Variants in IPO11 observed in about 807,000 individuals in gnomAD.
IPO11 encodes the protein importin-11.
A neutral mutation model predicts 143.2 loss-of-function variants in IPO11; 66 were observed. That is an observed-to-expected ratio of 0.46 (90% CI 0.38 to 0.57). The LOEUF (loss-of-function observed/expected upper bound fraction) is 0.57. Ranked by LOEUF, IPO11 falls within the 20% of genes least tolerant of loss-of-function variation. The pLI, the probability that IPO11 is intolerant of heterozygous loss-of-function variation, is 0.00. For synonymous variants in IPO11, 385 were observed against 377.8 expected (o/e 1.02, Z -0.22); for missense variants, 1,026 against 1,141.0 (o/e 0.90, Z 1.45).
rs1743307221 is a variant in IPO11, at chr5:62,549,052, T to G, written c.2251-1315T>G. Among the ~76,000 whole-genome samples, 3 of 151,896 alleles carry G rather than the reference T, an allele frequency of 2.0e-5. No homozygotes were observed. The South Asian group carries it at 6.2e-4, about 32-fold the overall frequency. On this transcript the variant is annotated intron_variant, in intron 24 of 29. Coordinates refer to ENST00000325324, the MANE Select transcript of IPO11 (RefSeq NM_016338.5). ...TCGGTCTACTAGCTTATCTGTATAT[T>G]TTCCATGTTTATCTTTTTTCCCAGA...
intron 26 of IPO11, among the ~76,000 whole-genome samples, chr5:62,557,449 C>T (rs1163431611): frequency 2.0e-5 from 3 of 152,198 alleles, no homozygotes; most frequent in Non-Finnish European, 4.4e-5. Context: ...TCCCAAAGTG[C>T]TGGGATTACA....
chr5:62,536,639 T>C (rs1742744026), intron 22 of IPO11, 63 bp from the exon 23 acceptor site: 8 of 1,531,928 alleles, frequency 5.2e-6, no homozygotes, highest in Non-Finnish European at 7.0e-6. Context: ...AATCACTTCA[T>C]TTAAACTAAT....
At chr5:62,593,191 G>T (rs371063560) in intron 28 of IPO11, among the ~76,000 whole-genome samples, 2 of 151,884 alleles carry the variant, frequency 1.3e-5, no homozygotes, top group Admixed American at 1.3e-4. Flanking sequence ...AGAAAAAAAG[G>T]CACTATATGT....
At chr5:62,454,052 G>A (rs1367228520) in intron 5 of IPO11, among the ~76,000 whole-genome samples, 3 of 152,070 alleles carry the variant, frequency 2.0e-5, no homozygotes, top group Admixed American at 6.6e-5. Context: ...GGAGAATGAC[G>A]TGAACCTAGG....
chr5:62,489,500 A>C (rs983545521), intron 14 of IPO11, 151 bp downstream of exon 14: 2 of 539,738 alleles, frequency 3.7e-6, no homozygotes, highest in Admixed American at 3.6e-5. Context: ...GTAAACAGAT[A>C]ATGTATTATA....
Position 62,443,000 on chromosome 5 carries a change from C to T in IPO11, c.156C>T (p.His52=), listed in dbSNP as rs1475334926. 3 of 1,601,868 alleles carry T rather than the reference C, an allele frequency of 1.9e-6. No individual in the cohort carries two copies. The highest frequency in any genetic ancestry group is 2.6e-6 in the Non-Finnish European group (3 of 1,172,784). ...ATTTATAGAATATTTTCACCAACCA[C>T]ACTTTGGATATAAATGTAAGGTGGC... ...YSVLLNIFTN[H]TLDINVRWLA... The change falls in exon 3 of 30, where the codon CAC becomes CAT. Residue 52 remains histidine, a synonymous_variant. Coordinates refer to ENST00000325324, the MANE Select transcript of IPO11 (RefSeq NM_016338.5).
chr5:62,455,456 G>T (rs761262185), intron 5 of IPO11, among the ~76,000 whole-genome samples: 5 of 152,206 alleles, frequency 3.3e-5, no homozygotes, highest in Admixed American at 6.5e-5. Flanking sequence ...CCAGGAGGCG[G>T]AGGCTGCAGT....
In IPO11 at chr5:62,435,180, GTA is replaced by G. The variant is rs748245224; in HGVS notation, c.-6-2086_-6-2085del. ...TATATATGTATATATATGTATATAT[GTA>G]TATATATGTATATATATGTATATAT... On this transcript the variant is annotated intron_variant, in intron 1 of 29. Coordinates refer to ENST00000325324, the MANE Select transcript of IPO11 (RefSeq NM_016338.5). 6.1e-4 allele frequency among the ~76,000 whole-genome samples: 57 copies of G among 92,756 alleles called. 3 individuals carry two copies. The East Asian group carries it at 7.5e-3, about 12-fold the overall frequency. The allele number at this position is 92,756 out of a possible 152,430, so 60.9% of individuals were successfully genotyped here.
chr5:62,487,632 T>C (rs538430921), intron 12 of IPO11, 139 bp from the exon 13 acceptor site: 10 of 608,494 alleles, frequency 1.6e-5, no homozygotes, highest in African/African-American at 1.3e-4. Flanking sequence ...GTAACCTTAC[T>C]TTTTTTTTTT....
At chr5:62,509,056 G>A (rs1386698576) in intron 19 of IPO11, among the ~76,000 whole-genome samples, 1 of 152,210 alleles carries the variant, frequency 6.6e-6, no homozygotes, top group Admixed American at 6.5e-5. Flanking sequence ...TTTCAGTAAA[G>A]TCACCATCTT....
intron 10 of IPO11, 106 bp from the exon 11 acceptor site, chr5:62,483,904 T>G (rs1426685076): frequency 2.2e-6 from 2 of 913,040 alleles, no homozygotes; most frequent in East Asian, 5.6e-5. Context: ...TATACACAAG[T>G]GTATCTTCTT....
chr5:62,514,381 G>C (rs1741922286), intron 19 of IPO11, among the ~76,000 whole-genome samples: 1 of 152,028 alleles, frequency 6.6e-6, no homozygotes, highest in Admixed American at 6.5e-5. Context: ...CTCGCGGCTA[G>C]GAGCTGGAGA....
At chr5:62,568,540 C>G (rs555047726) in intron 27 of IPO11, among the ~76,000 whole-genome samples, 1 of 124,980 alleles carries the variant, frequency 8.0e-6, no homozygotes, top group East Asian at 2.3e-4. Flanking sequence ...TGCTACTGCA[C>G]TCCAACCTGG....
At chr5:62,576,032 A>C (rs1322381796) in intron 27 of IPO11, 1 of 152,442 alleles carries the variant, frequency 6.6e-6, no homozygotes, top group Admixed American at 6.5e-5. Context: ...AAACCATGCC[A>C]ATGTTTCCTT....
intron 1 of IPO11, among the ~76,000 whole-genome samples, chr5:62,420,580 CTTTT>C (rs1315728708): frequency 7.1e-6 from 1 of 140,100 alleles, no homozygotes; most frequent in Non-Finnish European, 1.6e-5. Context: ...CTGACTGAAA[CTTTT>C]TTTTTTTTTT....
At position 62,567,492 on chromosome 5, in the gene IPO11, A is replaced by ATTTT. The variant is rs1181269555; in HGVS notation, c.2582+6237_2582+6238insTTTT. ...ATTTTCTATTATTATTATTATTATT[A>ATTTT]TTATTTTTTTTACTATTTCTACCCT... On this transcript the variant is annotated intron_variant, in intron 27 of 29. Transcript: ENST00000325324. Among the ~76,000 whole-genome samples the ATTTT allele has an allele frequency of 5.6e-5, 7 of 125,982 alleles. No homozygotes were observed. The South Asian group carries it at 7.6e-4, about 14-fold the overall frequency. 82.6% of individuals were successfully genotyped at this position (125,982 alleles called of 152,430 possible).
At chr5:62,545,455 G>A (rs1408073368) in intron 24 of IPO11, among the ~76,000 whole-genome samples, 2 of 152,034 alleles carry the variant, frequency 1.3e-5, no homozygotes, top group Admixed American at 1.3e-4. Context: ...AATTCAAGAT[G>A]GATTAAAGAC....
At chr5:62,609,384 G>C (rs757956927) in intron 29 of IPO11, among the ~76,000 whole-genome samples, 1 of 152,158 alleles carries the variant, frequency 6.6e-6, no homozygotes, top group Non-Finnish European at 1.5e-5. Flanking sequence ...AGCCTTCCAT[G>C]GACTAGACGT....
chr5:62,541,672 C>A (rs1427446857), intron 24 of IPO11, among the ~76,000 whole-genome samples: 2 of 151,000 alleles, frequency 1.3e-5, no homozygotes, highest in African/African-American at 4.9e-5. Flanking sequence ...TAGAGTGAGA[C>A]CCTGTTTCAA....
Sources: gnomAD v4.1 joint callset for allele counts (sites outside exome capture counted in the v4.1 genomes callset) on GRCh38, gnomAD v4.1.1 for gene constraint, MANE v1.5 for transcripts, NCBI Gene and HGNC (gene_info 2026-07-23, HGNC 2026-07-21) for gene names.